Variants in AKAP9 observed in about 807,000 individuals in gnomAD.
The protein encoded by AKAP9 is A-kinase anchoring protein 9.
A neutral mutation model predicts 488.5 loss-of-function variants in AKAP9; 311 were observed. The ratio of observed to expected loss-of-function variants is 0.64; its 90% CI spans 0.58 to 0.70. AKAP9 has a LOEUF of 0.70. Ranked by LOEUF, AKAP9 falls within the 30% of genes least tolerant of loss-of-function variation. The probability of loss-of-function intolerance (pLI) is 0.00; values close to 1 mark genes in which losing one functional copy is unlikely to be tolerated. For missense variants in AKAP9, 4,215 were observed against 4,374.5 expected, an observed-to-expected ratio of 0.96 and a Z score of 1.03; for synonymous variants, 1,462 against 1,483.5, an observed-to-expected ratio of 0.99 and a Z score of 0.33.
intron 8 of AKAP9, among the ~76,000 whole-genome samples, chr7:92,008,300 G>C (rs1800203429): frequency 6.6e-6 from 1 of 152,132 alleles, no homozygotes; most frequent in African/African-American, 2.4e-5. Context: ...CCGGGAGGCA[G>C]AGGTTGCAGT....
In AKAP9 at chr7:92,040,917, C is replaced by T; in HGVS notation, c.4917+19C>T. 2 of 1,576,500 alleles carry T rather than the reference C, an allele frequency of 1.3e-6. No individual in the cohort carries two copies. The highest frequency in any genetic ancestry group is 8.7e-7 in the Non-Finnish European group (1 of 1,155,284). On this transcript the variant is annotated intron_variant, in intron 18 of 49. Transcript: ENST00000356239. ...AGCCCAGGTAAGGGTCTTGTAGTCC[C>T]CTTTCTCTCCCCAGTTATTTTTTTT...
Position 92,096,802 on chromosome 7 carries a change from A to C in AKAP9, c.9843A>C (p.Arg3281Ser), listed in dbSNP as rs201858518. ...NESQQKIESQ[R>S]MLYDAQLSEE... ...CCCAGCAAAAAATAGAATCACAGAG[A>C]ATGCTATATGATGCCCAGTTGTCAG... Residue 3281 changes from arginine to serine, a missense_variant, in exon 41 of 50, where the codon AGA becomes AGC. By Grantham distance (110) the Arg-to-Ser change is moderately radical. Transcript: ENST00000356239. 2.5e-6 allele frequency: 4 copies of C among 1,614,240 alleles called. No individual in the cohort carries two copies. In the African/African-American group the frequency reaches 5.3e-5, roughly 22 times the overall value.
intron 16 of AKAP9, among the ~76,000 whole-genome samples, chr7:92,036,857 A>G (rs1474309207): frequency 6.6e-6 from 1 of 152,188 alleles, no homozygotes; most frequent in African/African-American, 2.4e-5. Context: ...GTCTTTTGAC[A>G]TTTTGCCGTA....
At chr7:91,993,516 T>C (rs1361128848) in intron 5 of AKAP9, among the ~76,000 whole-genome samples, 1 of 152,138 alleles carries the variant, frequency 6.6e-6, no homozygotes, top group African/African-American at 2.4e-5. Context: ...GTTCTAGTTA[T>C]TCAGGAGGCT....
intron 43 of AKAP9, among the ~76,000 whole-genome samples, chr7:92,098,892 T>C (rs1388726644): frequency 6.6e-6 from 1 of 152,242 alleles, no homozygotes; most frequent in East Asian, 1.9e-4. Flanking sequence ...TTATCTTTAG[T>C]GGACTGTGGT....
chr7:92,077,671 C>T (rs771709990), intron 29 of AKAP9, 25 bp from the exon 30 acceptor site: 1 of 1,599,536 alleles, frequency 6.3e-7, no homozygotes, highest in South Asian at 1.1e-5. Flanking sequence ...ATATATCCAA[C>T]TGTGATAATT....
chr7:92,100,514 T>C (rs1817352053), intron 44 of AKAP9, among the ~76,000 whole-genome samples: 1 of 152,250 alleles, frequency 6.6e-6, no homozygotes, highest in South Asian at 2.1e-4. Context: ...CTTGTTTTTT[T>C]CCCACTTCTC....
rs762754861 is a variant in AKAP9, at chr7:92,002,988, T to G, written c.3071T>G (p.Val1024Gly). 3.5e-5 allele frequency: 56 copies of G among 1,613,428 alleles called. No homozygotes were observed. The highest frequency in any genetic ancestry group is 4.5e-5 in the Non-Finnish European group (53 of 1,179,652). ...TQVSSLLDGV[V>G]TMTSRGAEGS... ...GTAAGCTCTTTATTAGATGGAGTTGTGACCATGACAAGCAGGGGTGCTGAA... is the reference window on the plus strand; with the variant it reads ...GTAAGCTCTTTATTAGATGGAGTTGGGACCATGACAAGCAGGGGTGCTGAA... Residue 1024 changes from valine to glycine, a missense_variant, in exon 8 of 50, where the codon GTG (valine) becomes GGG (glycine). Val to Gly is a moderately radical substitution (Grantham distance 109). Coordinates refer to ENST00000356239, the MANE Select transcript of AKAP9 (RefSeq NM_005751.5).
chr7:91,952,498 G>A (rs1473126956), intron 1 of AKAP9, among the ~76,000 whole-genome samples: 1 of 152,192 alleles, frequency 6.6e-6, no homozygotes, highest in Non-Finnish European at 1.5e-5. Flanking sequence ...AAGGCTTTCT[G>A]GATGGATAAA....
chr7:92,099,977 A>T, intron 44 of AKAP9, 108 bp downstream of exon 44: 1 of 1,054,672 alleles, frequency 9.5e-7, no homozygotes, highest in Non-Finnish European at 1.4e-6. Flanking sequence ...CACACACCTG[A>T]TTCTTAGGAT....
chr7:92,043,000 G>T, intron 20 of AKAP9: 1 of 346,574 alleles, frequency 2.9e-6, no homozygotes, highest in Non-Finnish European at 5.4e-6. Flanking sequence ...AATTTTGATT[G>T]GATATTAATC....
At chr7:92,045,660 T>G (rs886610124) in intron 21 of AKAP9, among the ~76,000 whole-genome samples, 2 of 152,094 alleles carry the variant, frequency 1.3e-5, no homozygotes, top group Non-Finnish European at 2.9e-5. Context: ...AACCCAAGAT[T>G]TGGTGTTACC....
In AKAP9 at chr7:92,014,380, A is replaced by T. The variant is rs555836910; in HGVS notation, c.3612+52A>T. ...GCCAGATGTGGTGGCTGACACTTAT[A>T]ATCCCAGCACTTTGGGAGGCTGAGG... is the stretch of plus-strand genomic sequence containing the variant. On this transcript the variant is annotated intron_variant, in intron 10 of 49. Coordinates refer to ENST00000356239, the MANE Select transcript of AKAP9 (RefSeq NM_005751.5). 10 of 1,330,474 alleles carry T rather than the reference A, an allele frequency of 7.5e-6. No homozygotes were observed. The East Asian group carries it at 1.9e-4, about 25-fold the overall frequency. The allele number at this position is 1,330,474 out of a possible 1,614,324, so 82.4% of individuals were successfully genotyped here.
intron 49 of AKAP9, chr7:92,109,033 G>T: frequency 3.8e-6 from 1 of 262,050 alleles, no homozygotes; most frequent in African/African-American, 2.3e-5. Flanking sequence ...GCAGCAGAGC[G>T]AGACCCTGTC....
At chr7:92,071,858 A>G (rs992062650) in intron 28 of AKAP9, among the ~76,000 whole-genome samples, 4 of 152,232 alleles carry the variant, frequency 2.6e-5, no homozygotes, top group African/African-American at 7.2e-5. Flanking sequence ...GAAAAAAGGC[A>G]TCTATGTAAG....
At chr7:91,988,789 T>TA (rs1797419918) in intron 3 of AKAP9, among the ~76,000 whole-genome samples, 1 of 152,182 alleles carries the variant, frequency 6.6e-6, no homozygotes, top group African/African-American at 2.4e-5. Context: ...AACTCTGAAA[T>TA]ACAGTTTGTT....
At chr7:92,086,610 C>G (rs1237516563) in intron 37 of AKAP9, among the ~76,000 whole-genome samples, 194 bp downstream of exon 37, 1 of 152,130 alleles carries the variant, frequency 6.6e-6, no homozygotes, top group Non-Finnish European at 1.5e-5. Context: ...AGCTTATTTT[C>G]TAACCTAGGA....
In AKAP9 at chr7:92,097,025, C is replaced by T. The variant is rs1453382766; in HGVS notation, c.10066C>T (p.His3356Tyr). ...KELQKQLEEKHSRIVELLNET... is the reference protein window; with the variant it reads ...KELQKQLEEKYSRIVELLNET... ...GCTGCAGAAACAGCTAGAGGAAAAA[C>T]ACAGTCGCATAGTAGAATTGTTAAA... is the stretch of plus-strand genomic sequence containing the variant. Residue 3356 changes from histidine (H) to tyrosine (Y), a missense_variant, in exon 41 of 50, where the codon CAC becomes TAC. By Grantham distance (83) the His-to-Tyr change is moderately conservative. Around this residue, in one of 5 missense-constraint regions of AKAP9, gnomAD observed 1,476 missense variants for 1,477.4 expected, o/e 1.00. Coordinates refer to ENST00000356239, the MANE Select transcript of AKAP9 (RefSeq NM_005751.5). The T allele has an allele frequency of 6.2e-7, 1 of 1,614,230 alleles. No homozygotes were observed. The highest frequency in any genetic ancestry group is 8.5e-7 in the Non-Finnish European group (1 of 1,180,034).
At chr7:91,978,447 G>C (rs1337449523) in intron 2 of AKAP9, among the ~76,000 whole-genome samples, 1 of 152,082 alleles carries the variant, frequency 6.6e-6, no homozygotes. Flanking sequence ...TTTGTTGAAT[G>C]AAAGGGTGAA....
Sources: allele counts gnomAD v4.1 joint callset (sites outside exome capture counted in the v4.1 genomes callset), GRCh38; gene constraint gnomAD v4.1.1; regional missense constraint gnomAD v4.1.1; transcripts MANE v1.5; gene names NCBI Gene and HGNC (gene_info 2026-07-23, HGNC 2026-07-21).